NPLOC4: variants seen among roughly 807,000 people sequenced by gnomAD.
NPLOC4 encodes the protein nuclear protein localization protein 4 homolog.
NPLOC4 carries 18 observed loss-of-function variants against 80.6 expected under a neutral mutation model. The observed-to-expected ratio is 0.22, with a 90% CI of 0.15 to 0.33. The LOEUF (loss-of-function observed/expected upper bound fraction) is 0.33, where lower values mean the gene tolerates loss of function less well. Among genes scored for constraint, NPLOC4 ranks in the 10% least tolerant of loss-of-function variants. The pLI is 1.00. For missense variants in NPLOC4, 540 were observed against 786.1 expected (o/e 0.69, Z 3.74); for synonymous variants, 313 against 301.5 (o/e 1.04, Z -0.39).
rs2033758123 is a variant in NPLOC4 at position 81,559,155 on chromosome 17, G to C, written c.*104C>G. 7.6e-7 allele frequency: 1 copy of C among 1,310,016 alleles called. No homozygotes were observed. The highest frequency in any genetic ancestry group is 1.5e-5 in the South Asian group (1 of 66,528). 81.1% of individuals were successfully genotyped at this position (1,310,016 alleles called of 1,614,324 possible). ...GGACAGCCAGCCCCTTGTTCCTCCA[G>C]GGCTGCCCACTATGGGGCAGTTACA... On this transcript the variant is annotated 3_prime_UTR_variant, in exon 17 of 17. Transcript: ENST00000331134.
intron 1 of NPLOC4, among the ~76,000 whole-genome samples, chr17:81,632,544 C>T (rs927900839): frequency 4.6e-5 from 7 of 151,972 alleles, no homozygotes; most frequent in African/African-American, 1.5e-4. Context: ...GAACTCCTGA[C>T]CTCAAGTTAT....
intron 2 of NPLOC4, 57 bp downstream of exon 2, chr17:81,629,668 G>C: frequency 8.2e-7 from 1 of 1,225,052 alleles, no homozygotes; most frequent in East Asian, 2.3e-5. Context: ...GGTATCGATG[G>C]CAGTAAGAGT....
chr17:81,571,139 C>T (rs1156835272), intron 13 of NPLOC4, among the ~76,000 whole-genome samples: 2 of 152,096 alleles, frequency 1.3e-5, no homozygotes, highest in African/African-American at 2.4e-5. Context: ...AATGGTGCAT[C>T]GATGGGCTTG....
At chr17:81,605,691 C>A (rs1393989001) in intron 7 of NPLOC4, among the ~76,000 whole-genome samples, 1 of 151,900 alleles carries the variant, frequency 6.6e-6, no homozygotes, top group African/African-American at 2.4e-5. Flanking sequence ...ACTTCAGAGT[C>A]CAGTGGCGGG....
intron 8 of NPLOC4, 50 bp downstream of exon 8, chr17:81,604,498 C>G: frequency 6.4e-7 from 1 of 1,569,330 alleles, no homozygotes; most frequent in Non-Finnish European, 8.7e-7. Context: ...GGGCGTCCCC[C>G]ACAGCCTCCA....
At chr17:81,561,722 T>TA (rs927270845) in intron 16 of NPLOC4, 2 of 152,192 alleles carry the variant, frequency 1.3e-5, no homozygotes, top group African/African-American at 4.8e-5. Flanking sequence ...GCTGGGATTA[T>TA]AGGCGTGGAC....
intron 1 of NPLOC4, chr17:81,636,338 G>A (rs2036071594): frequency 6.6e-6 from 1 of 152,266 alleles, no homozygotes; most frequent in African/African-American, 2.4e-5. Flanking sequence ...AAGAGGAATT[G>A]TCAAGTTGTC....
intron 1 of NPLOC4, 127 bp downstream of exon 1, chr17:81,636,789 G>A: frequency 4.8e-6 from 5 of 1,045,238 alleles, no homozygotes; most frequent in Non-Finnish European, 6.2e-6. Context: ...TACAGAGAAA[G>A]CCCTGGCGAG....
intron 11 of NPLOC4, among the ~76,000 whole-genome samples, chr17:81,594,937 G>A (rs2034857513): frequency 6.6e-6 from 1 of 151,194 alleles, no homozygotes; most frequent in South Asian, 2.1e-4. Context: ...GCAAGAACAT[G>A]TCTCAAAACA....
In NPLOC4 at chr17:81,557,242, A is replaced by G. The variant is rs1462231790; in HGVS notation, c.*2017T>C. 2 of 152,416 alleles carry G rather than the reference A, an allele frequency of 1.3e-5. No individual in the cohort carries two copies. Among genetic ancestry groups the G allele is most frequent in the East Asian group, 3.8e-4 (2 of 5,202 alleles). The allele number at this position is 152,416 out of a possible 1,614,324, so 9.4% of individuals were successfully genotyped here. The stretch of plus-strand genomic sequence containing the variant: ...AGCCTCCCAGGGCCTGAACTCTCAC[A>G]GCAGGGCTCACCCCCAAGCCTGTAT... On this transcript the variant is annotated 3_prime_UTR_variant, in exon 17 of 17. Transcript: ENST00000331134.
intron 9 of NPLOC4, among the ~76,000 whole-genome samples, chr17:81,599,737 G>A (rs534829490): frequency 3.8e-4 from 58 of 152,306 alleles, no homozygotes; most frequent in Middle Eastern, 3.4e-3. Flanking sequence ...CTGTATCAAT[G>A]TCAGATAAAC....
At chr17:81,633,582 C>A (rs1326349269) in intron 1 of NPLOC4, among the ~76,000 whole-genome samples, 1 of 152,224 alleles carries the variant, frequency 6.6e-6, no homozygotes, top group African/African-American at 2.4e-5. Context: ...CAGGAAGAGA[C>A]AGACCTGACA....
Position 81,613,494 on chromosome 17 carries a change from C to A in NPLOC4, c.210G>T (p.Lys70Asn). The stretch of plus-strand genomic sequence containing the variant: ...GAAACAGGAACAACAAATCGCCATG[C>A]CTGTTCAAATGATAAACAGAGGCTG... ...SNKSLNLLKI[K>N]HGDLLFLFPS... The change falls in exon 4 of 17, where the codon AAG (lysine) becomes AAT (asparagine). Residue 70 changes from lysine (K) to asparagine (N), a missense_variant and splice_region_variant. Transcript: ENST00000331134. The A allele has an allele frequency of 1.2e-6, 2 of 1,612,074 alleles. No homozygotes were observed. Among genetic ancestry groups the A allele is most frequent in the East Asian group, 2.2e-5 (1 of 44,836 alleles).
intron 1 of NPLOC4, among the ~76,000 whole-genome samples, chr17:81,633,787 C>A (rs939748765): frequency 6.6e-6 from 1 of 152,140 alleles, no homozygotes; most frequent in African/African-American, 2.4e-5. Context: ...TCACTGCAAC[C>A]TTTGCCTGCC....
intron 3 of NPLOC4, among the ~76,000 whole-genome samples, chr17:81,619,280 G>C (rs556740234): frequency 6.6e-6 from 1 of 152,092 alleles, no homozygotes; most frequent in Non-Finnish European, 1.5e-5. Context: ...GGGAGGCTGA[G>C]GCAGGAGAAT....
chr17:81,567,771 G>C lies in NPLOC4; in HGVS notation c.1450-238C>G, dbSNP rs967321381. Among the ~76,000 whole-genome samples, 6 of 152,176 alleles carry C rather than the reference G, an allele frequency of 3.9e-5. No homozygotes were observed. Among genetic ancestry groups the C allele is most frequent in the Admixed American group, 1.3e-4 (2 of 15,268 alleles). On this transcript the variant is annotated intron_variant, in intron 14 of 16. Coordinates refer to ENST00000331134, the MANE Select transcript of NPLOC4 (RefSeq NM_017921.4). The surrounding 1 kb of genome is among the most constrained non-coding windows in gnomAD (Gnocchi z 4.5). Reference sequence around the variant, plus strand: ...ACACCTGACTACCCAGATGTGCAAGGAGACATGCTTATAAAGCTGACTCAG... The same window carrying C: ...ACACCTGACTACCCAGATGTGCAAGCAGACATGCTTATAAAGCTGACTCAG...
At chr17:81,589,836 A>G (rs1303306540) in intron 11 of NPLOC4, among the ~76,000 whole-genome samples, 1 of 149,308 alleles carries the variant, frequency 6.7e-6, no homozygotes, top group Admixed American at 6.9e-5. Context: ...TATCTTTACA[A>G]TAAATCAATC....
At chr17:81,625,826 C>T (rs778290313) in intron 2 of NPLOC4, among the ~76,000 whole-genome samples, 4 of 151,852 alleles carry the variant, frequency 2.6e-5, no homozygotes, top group Non-Finnish European at 4.4e-5. Context: ...CTTAGGAACC[C>T]ATGGTACAGG....
At chr17:81,627,221 T>C (rs2035818667) in intron 2 of NPLOC4, among the ~76,000 whole-genome samples, 1 of 148,608 alleles carries the variant, frequency 6.7e-6, no homozygotes, top group African/African-American at 2.5e-5. Flanking sequence ...AAACCCCATC[T>C]CTACTAAAAA....
Sources: allele counts gnomAD v4.1 joint callset (sites outside exome capture counted in the v4.1 genomes callset), GRCh38; gene constraint gnomAD v4.1.1; non-coding constraint Gnocchi (gnomAD v3.1); transcripts MANE v1.5; gene names NCBI Gene and HGNC (gene_info 2026-07-23, HGNC 2026-07-21).